Variants in SCYGR8 observed in about 807,000 individuals in gnomAD.
SCYGR8 encodes small cysteine and glycine repeat-containing protein 8.
At position 227,745,920 on chromosome 2, in the gene SCYGR8, C is replaced by A; in HGVS notation, c.27C>A (p.Cys9Ter). Residue 9 changes from cysteine to a stop codon, truncating the protein, a stop_gained, in exon 1 of 1, where the codon TGC (cysteine) becomes TGA (stop). Coordinates refer to ENST00000641981, the Ensembl canonical transcript of SCYGR8. LOFTEE classifies it low-confidence loss of function (END_TRUNC). ...TGGGTTGCTGTGGGTGTGGTGGCTG[C>A]GGTGGTGGCTGTGGTGGCTGCAGTG... 1 of 413,032 alleles carries A rather than the reference C, an allele frequency of 2.4e-6. No individual in the cohort carries two copies. The highest frequency in any genetic ancestry group is 4.2e-6 in the Non-Finnish European group (1 of 237,262). 25.6% of individuals were successfully genotyped at this position (413,032 alleles called of 1,614,324 possible).
At chr2:227,745,939 TGCA>T (rs869282227) in exon 1 of SCYGR8, 1 of 412,206 alleles carries the variant, frequency 2.4e-6, no homozygotes, top group Non-Finnish European at 4.2e-6. Context: ...CTGTGGTGGC[TGCA>T]GTGGTGGCTG....
exon 1 of SCYGR8, chr2:227,745,940 G>C: frequency 2.6e-6 from 1 of 388,340 alleles, no homozygotes; most frequent in Non-Finnish European, 4.5e-6. Flanking sequence ...TGTGGTGGCT[G>C]CAGTGGTGGC....
At chr2:227,746,137 G>A in exon 1 of SCYGR8, 1 of 398,996 alleles carries the variant, frequency 2.5e-6, no homozygotes, top group Non-Finnish European at 4.4e-6. Flanking sequence ...CAGCTCGTGT[G>A]GCTGTGGCTA....
exon 1 of SCYGR8, chr2:227,746,142 T>C (rs767763912): frequency 3.5e-5 from 14 of 398,814 alleles, no homozygotes; most frequent in Non-Finnish European, 5.7e-5. Flanking sequence ...CGTGTGGCTG[T>C]GGCTATGGGA....
chr2:227,746,018 C>T (rs935043822), exon 1 of SCYGR8: 3 of 399,526 alleles, frequency 7.5e-6, no homozygotes, highest in African/African-American at 6.2e-5. Flanking sequence ...AGCTGCACCA[C>T]CTGCAGGTGC....
chr2:227,745,935 T>C (rs1231882308), exon 1 of SCYGR8: 22 of 412,042 alleles, frequency 5.3e-5, no homozygotes, highest in Non-Finnish European at 8.9e-5. Flanking sequence ...GTGGCTGTGG[T>C]GGCTGCAGTG....
exon 1 of SCYGR8, chr2:227,746,211 C>T: frequency 5.0e-6 from 2 of 398,846 alleles, no homozygotes; most frequent in Non-Finnish European, 8.8e-6. Flanking sequence ...AGAAGCAATG[C>T]TGCTGCTAGG....
exon 1 of SCYGR8, chr2:227,745,981 G>T (rs1168583932): frequency 7.9e-6 from 3 of 379,556 alleles, no homozygotes; most frequent in Non-Finnish European, 1.4e-5. Context: ...TGGCTGCGGC[G>T]GTGGTGGCTG....
exon 1 of SCYGR8, chr2:227,745,978 G>GGCGGTGGTGGCT (rs1553581785): frequency 3.8e-4 from 4 of 10,528 alleles, no homozygotes; most frequent in African/African-American, 2.0e-3. Context: ...TGGTGGCTGC[G>GGCGGTGGTGGCT]GCGGTGGTGG....
exon 1 of SCYGR8, chr2:227,745,953 T>TGGTGGTGGCTGC (rs1696823499): frequency 1.0e-5 from 4 of 382,032 alleles, no homozygotes; most frequent in Middle Eastern, 6.7e-4. Context: ...GTGGTGGCTG[T>TGGTGGTGGCTGC]GGTGGTGGCT....
At chr2:227,745,940 G>T in exon 1 of SCYGR8, 1 of 388,340 alleles carries the variant, frequency 2.6e-6, no homozygotes, top group Non-Finnish European at 4.5e-6. Flanking sequence ...TGTGGTGGCT[G>T]CAGTGGTGGC....
Sources: allele counts gnomAD v4.1 joint callset, GRCh38; gene constraint gnomAD v4.1.1; transcripts MANE v1.5; gene names NCBI Gene and HGNC (gene_info 2026-07-23, HGNC 2026-07-21).